CD302: variants seen among roughly 807,000 people sequenced by gnomAD.
The protein encoded by CD302 is CD302 antigen.
CD302 carries 23 observed loss-of-function variants against 26.5 expected under a neutral mutation model. The ratio of observed to expected loss-of-function variants is 0.87; its 90% CI spans 0.62 to 1.23. The LOEUF is 1.23. CD302 is among the 50% of genes most tolerant of loss of function. The pLI, the probability that CD302 is intolerant of heterozygous loss-of-function variation, is 0.00. For synonymous variants in CD302, 90 were observed against 99.4 expected (o/e 0.91, Z 0.56); for missense variants, 290 against 275.5 (o/e 1.05, Z -0.37).
In CD302 at chr2:159,780,108, C is replaced by A. The variant is rs745776472; in HGVS notation, c.366G>T (p.Glu122Asp). ...FDKWTDQDDD[E>D]DLVDTCAFLH... ...GAAAAGCACAGGTGTCAACTAAATC[C>A]TCATCATCATCTTGGTCTGTCCACT... The change falls in exon 4 of 6, where the codon GAG becomes GAT. Residue 122 changes from glutamate (E) to aspartate (D), a missense_variant. Glu to Asp is a conservative substitution (Grantham distance 45, BLOSUM62 2). Coordinates refer to ENST00000259053, the MANE Select transcript of CD302 (RefSeq NM_014880.5). The A allele has an allele frequency of 5.0e-6, 8 of 1,613,976 alleles. No homozygotes were observed. Among genetic ancestry groups the A allele is most frequent in the Middle Eastern group, 1.6e-4 (1 of 6,082 alleles).
rs1369693430 is a variant in CD302, at chr2:159,769,057, T to C, written c.*2794A>G. Reference sequence around the variant, plus strand: ...TATTAGCTTCAGATTATCATGTAAATGACGGTAGAGGAATAAGAGAAAAGG... The same window carrying C: ...TATTAGCTTCAGATTATCATGTAAACGACGGTAGAGGAATAAGAGAAAAGG... On this transcript the variant is annotated 3_prime_UTR_variant, in exon 6 of 6. Coordinates refer to ENST00000259053, the MANE Select transcript of CD302 (RefSeq NM_014880.5). 1 of 152,202 alleles carries C rather than the reference T, an allele frequency of 6.6e-6. No homozygotes were observed. The highest frequency in any genetic ancestry group is 1.9e-4 in the East Asian group (1 of 5,200). 9.4% of individuals were successfully genotyped at this position (152,202 alleles called of 1,614,324 possible).
At chr2:159,773,542 C>G (rs1053490204) in intron 5 of CD302, among the ~76,000 whole-genome samples, 1 of 152,058 alleles carries the variant, frequency 6.6e-6, no homozygotes, top group Non-Finnish European at 1.5e-5. Context: ...TTTAAAAGAC[C>G]GGGTATCCTA....
chr2:159,774,408 T>TA (rs1344000647), intron 5 of CD302, among the ~76,000 whole-genome samples: 1 of 152,182 alleles, frequency 6.6e-6, no homozygotes, highest in Non-Finnish European at 1.5e-5. Context: ...ACTGCTACCT[T>TA]AACGCTCTAG....
At chr2:159,777,265 A>T (rs1320120070) in intron 5 of CD302, among the ~76,000 whole-genome samples, 1 of 152,190 alleles carries the variant, frequency 6.6e-6, no homozygotes, top group African/African-American at 2.4e-5. Flanking sequence ...CAAATAAATA[A>T]TCATCTGAAA....
chr2:159,775,386 T>C (rs1373683189), intron 5 of CD302, among the ~76,000 whole-genome samples: 1 of 152,262 alleles, frequency 6.6e-6, no homozygotes, highest in African/African-American at 2.4e-5. Context: ...TATTCGTTTT[T>C]GAAGCCACAG....
intron 2 of CD302, chr2:159,781,396 T>C (rs199673372): frequency 6.8e-6 from 1 of 147,728 alleles, no homozygotes; most frequent in Non-Finnish European, 1.5e-5. Context: ...CAAAAAAAAA[T>C]AAAATAAAAT....
rs1190246234 is a variant in CD302, at chr2:159,798,205, G to C, written c.-7C>G. On this transcript the variant is annotated 5_prime_UTR_variant, in exon 1 of 6. Coordinates refer to ENST00000259053, the MANE Select transcript of CD302 (RefSeq NM_014880.5). ...GCAGCGCGGCCCGGAGCATGACGGC[G>C]GGTGCGGGTGGGCGGCAGCGGCTGC... is the stretch of plus-strand genomic sequence containing the variant. 32 of 1,420,778 alleles carry C rather than the reference G, an allele frequency of 2.3e-5. 1 individual carries two copies. In the Admixed American group the frequency reaches 4.9e-4, roughly 22 times the overall value. The allele number at this position is 1,420,778 out of a possible 1,614,324, so 88.0% of individuals were successfully genotyped here. A position where few individuals can be genotyped will look rare whatever the true frequency, so the allele number is the denominator to read the frequency against.
chr2:159,770,609 C>T lies in CD302; in HGVS notation c.*1242G>A, dbSNP rs983112463. 2.6e-5 allele frequency: 4 copies of T among 152,120 alleles called. No homozygotes were observed. The highest frequency in any genetic ancestry group is 5.9e-5 in the Non-Finnish European group (4 of 67,998). The allele number at this position is 152,120 out of a possible 1,614,324, so 9.4% of individuals were successfully genotyped here. A position where few individuals can be genotyped will look rare whatever the true frequency, so the allele number is the denominator to read the frequency against. On this transcript the variant is annotated 3_prime_UTR_variant, in exon 6 of 6. Transcript: ENST00000259053. ...GAGCCTCAGACTTCTAGACAGTATA[C>T]TTCAGTCAGTAATGGACCACATATA... is the stretch of plus-strand genomic sequence containing the variant.
chr2:159,775,424 T>C lies in CD302; in HGVS notation c.496+2514A>G, dbSNP rs75808671. On this transcript the variant is annotated intron_variant, in intron 5 of 5. Transcript: ENST00000259053. ...CTATTTTTTTCTAAATGTTCCAACT[T>C]ATGTGTATCTTTATTTTTTCCAAAG... 4.1e-3 allele frequency among the ~76,000 whole-genome samples: 619 copies of C among 152,328 alleles called. 1 individual carries two copies. Among genetic ancestry groups the C allele is most frequent in the Non-Finnish European group, 7.7e-3 (523 of 68,028 alleles).
At chr2:159,775,049 AAAAAT>A (rs1708268606) in intron 5 of CD302, among the ~76,000 whole-genome samples, 1 of 152,226 alleles carries the variant, frequency 6.6e-6, no homozygotes, top group African/African-American at 2.4e-5. Context: ...TACTAAAAAT[AAAAAT>A]AAAGTGCAAC....
intron 5 of CD302, among the ~76,000 whole-genome samples, chr2:159,773,602 G>C (rs1229142017): frequency 2.0e-5 from 3 of 152,214 alleles, no homozygotes; most frequent in African/African-American, 7.2e-5. Flanking sequence ...TATATATGCT[G>C]CTTTTCACAT....
In CD302 at chr2:159,771,519, C is replaced by A. The variant is rs1708146145; in HGVS notation, c.*332G>T. On this transcript the variant is annotated 3_prime_UTR_variant, in exon 6 of 6. Coordinates refer to ENST00000259053, the MANE Select transcript of CD302 (RefSeq NM_014880.5). ...AATAAACATATAAACTAAAGTGGGT[C>A]AACTAAATAGGGAAGATACAGCAGG... 5.1e-6 allele frequency: 1 copy of A among 195,604 alleles called. No homozygotes were observed. 12.1% of individuals were successfully genotyped at this position (195,604 alleles called of 1,614,324 possible).
intron 1 of CD302, among the ~76,000 whole-genome samples, chr2:159,790,095 A>G (rs2042780): frequency 0.065 from 9,828 of 152,276 alleles, 399 homozygotes; most frequent in Non-Finnish European, 0.093. Context: ...CCCATCATCC[A>G]TATCAGACAT....
At chr2:159,797,840 C>T (rs1682507752) in intron 1 of CD302, among the ~76,000 whole-genome samples, 1 of 152,336 alleles carries the variant, frequency 6.6e-6, no homozygotes, top group South Asian at 2.1e-4. Flanking sequence ...GCCAACTGGC[C>T]TAATTTGGGG....
chr2:159,772,419 C>T (rs1708179929), intron 5 of CD302, among the ~76,000 whole-genome samples: 1 of 152,078 alleles, frequency 6.6e-6, no homozygotes, highest in Non-Finnish European at 1.5e-5. Flanking sequence ...TAATGTGTTA[C>T]ATTATTGAGG....
chr2:159,780,245 A>G, intron 3 of CD302, 67 bp from the exon 4 acceptor site: 12 of 1,544,726 alleles, frequency 7.8e-6, no homozygotes, highest in Non-Finnish European at 9.7e-6. Flanking sequence ...AAAAGGGTGT[A>G]GGATTAAAGG....
chr2:159,784,638 G>A (rs1002670239), intron 1 of CD302, among the ~76,000 whole-genome samples: 1 of 152,074 alleles, frequency 6.6e-6, no homozygotes, highest in Non-Finnish European at 1.5e-5. Flanking sequence ...TAACAGGTGT[G>A]AGCCACCACG....
Position 159,768,868 on chromosome 2 carries a change from A to C in CD302, c.*2983T>G, listed in dbSNP as rs1229681674. The C allele has an allele frequency of 1.3e-5, 2 of 152,160 alleles. No individual in the cohort carries two copies. The highest frequency in any genetic ancestry group is 2.1e-4 in the South Asian group (1 of 4,830). 9.4% of individuals were successfully genotyped at this position (152,160 alleles called of 1,614,324 possible). On this transcript the variant is annotated 3_prime_UTR_variant, in exon 6 of 6. Coordinates refer to ENST00000259053, the MANE Select transcript of CD302 (RefSeq NM_014880.5). Reference sequence around the variant, plus strand: ...CAGTTGTCTTCTGCTTAACCCATAAAACTTTATTTAAAAAATTTAACTAGA... The same window carrying C: ...CAGTTGTCTTCTGCTTAACCCATAACACTTTATTTAAAAAATTTAACTAGA...
intron 1 of CD302, among the ~76,000 whole-genome samples, chr2:159,791,690 T>C (rs1197885702): frequency 1.3e-5 from 2 of 152,198 alleles, no homozygotes; most frequent in Non-Finnish European, 2.9e-5. Context: ...GTTAAGCCCA[T>C]TAGACTGTGG....
Sources: allele counts gnomAD v4.1 joint callset (sites outside exome capture counted in the v4.1 genomes callset), GRCh38; gene constraint gnomAD v4.1.1; transcripts MANE v1.5; gene names NCBI Gene and HGNC (gene_info 2026-07-23, HGNC 2026-07-21).